Variants in CHSY3 observed in about 807,000 individuals in gnomAD.
CHSY3 encodes chondroitin sulfate synthase 3, also known as N-acetylgalactosaminyl-proteoglycan 3-beta-glucuronosyltransferase 3.
In CHSY3, 35 loss-of-function variants were observed where a neutral mutation model predicts 67.2. That is an observed-to-expected ratio of 0.52 (90% CI 0.40 to 0.69). The LOEUF (loss-of-function observed/expected upper bound fraction) is 0.69. Among genes scored for constraint, CHSY3 ranks in the 30% least tolerant of loss-of-function variants. CHSY3 has a pLI of 0.00. For missense variants in CHSY3, 1,069 were observed against 1,138.5 expected (o/e 0.94, Z 0.88); for synonymous variants, 474 against 434.7 (o/e 1.09, Z -1.12).
At chr5:130,009,677 T>C (rs73243506) in intron 2 of CHSY3, among the ~76,000 whole-genome samples, 2,702 of 152,164 alleles carry the variant, frequency 0.018, 70 homozygotes, top group African/African-American at 0.061. Flanking sequence ...GAACACCCCA[T>C]TTAAAAGGCA....
intron 2 of CHSY3, among the ~76,000 whole-genome samples, chr5:129,972,402 G>A (rs1358601225): frequency 6.6e-6 from 1 of 152,002 alleles, no homozygotes; most frequent in Non-Finnish European, 1.5e-5. Flanking sequence ...AGTTATGCAA[G>A]CCCAGTTTAG....
intron 2 of CHSY3, among the ~76,000 whole-genome samples, chr5:129,965,034 A>G (rs1762431968): frequency 6.6e-6 from 1 of 151,918 alleles, no homozygotes; most frequent in Admixed American, 6.6e-5. Flanking sequence ...TAATTGAAAA[A>G]CATTTTCAAG....
intron 2 of CHSY3, among the ~76,000 whole-genome samples, chr5:129,937,197 A>T (rs1353905846): frequency 6.6e-6 from 1 of 152,230 alleles, no homozygotes; most frequent in Non-Finnish European, 1.5e-5. Flanking sequence ...TGTGGGCTGT[A>T]CAGGCTTCTG....
At chr5:130,094,367 A>G (rs1766979369) in intron 2 of CHSY3, among the ~76,000 whole-genome samples, 1 of 152,240 alleles carries the variant, frequency 6.6e-6, no homozygotes, top group African/African-American at 2.4e-5. Flanking sequence ...GTATTATAAA[A>G]CAAATGGCAG....
chr5:130,077,497 G>T (rs1010688040), intron 2 of CHSY3, among the ~76,000 whole-genome samples: 1 of 152,084 alleles, frequency 6.6e-6, no homozygotes, highest in African/African-American at 2.4e-5. Context: ...TTATGGAGAC[G>T]TTGGACCGCT....
At chr5:130,107,057 T>C (rs1767432384) in intron 2 of CHSY3, among the ~76,000 whole-genome samples, 2 of 151,390 alleles carry the variant, frequency 1.3e-5, no homozygotes, top group African/African-American at 4.8e-5. Flanking sequence ...TTGAGAATCT[T>C]AGTTTGTTTA....
At chr5:129,917,927 C>T (rs747586398) in intron 2 of CHSY3, among the ~76,000 whole-genome samples, 1 of 152,324 alleles carries the variant, frequency 6.6e-6, no homozygotes, top group East Asian at 1.9e-4. Context: ...GTTTCGACCA[C>T]TGTGTAAATT....
At chr5:129,955,432 G>A (rs551364980) in intron 2 of CHSY3, among the ~76,000 whole-genome samples, 20 of 150,942 alleles carry the variant, frequency 1.3e-4, no homozygotes, top group Admixed American at 1.1e-3. Context: ...ATTTTTTCCC[G>A]TCTCCTTTCC....
At chr5:129,977,507 T>G (rs958481173) in intron 2 of CHSY3, among the ~76,000 whole-genome samples, 11 of 152,254 alleles carry the variant, frequency 7.2e-5, no homozygotes, top group Non-Finnish European at 4.4e-5. Context: ...TCACCCAAAG[T>G]TAGCTTATCT....
chr5:129,943,854 AT>A, intron 2 of CHSY3, among the ~76,000 whole-genome samples: 1 of 152,360 alleles, frequency 6.6e-6, no homozygotes, highest in Admixed American at 6.5e-5. Flanking sequence ...AAATATTGCC[AT>A]AAAATTTGAA....
chr5:130,082,849 T>TATATATATGTGTGTATATAC (rs1156877052), intron 2 of CHSY3, among the ~76,000 whole-genome samples: 9 of 151,706 alleles, frequency 5.9e-5, no homozygotes, highest in Non-Finnish European at 1.3e-4. Flanking sequence ...GTTGGAGCAC[T>TATATATATGTGTGTATATAC]ATATATATGT....
intron 2 of CHSY3, among the ~76,000 whole-genome samples, chr5:129,919,264 C>T (rs1197409843): frequency 1.3e-5 from 2 of 151,690 alleles, no homozygotes; most frequent in African/African-American, 4.8e-5. Context: ...AGAGAAGAAC[C>T]CAAAGACAGT....
intron 2 of CHSY3, among the ~76,000 whole-genome samples, chr5:130,020,001 A>G (rs1313647448): frequency 6.6e-6 from 1 of 152,194 alleles, no homozygotes; most frequent in Non-Finnish European, 1.5e-5. Context: ...ACTGAGGAAT[A>G]TTAGAACATC....
At chr5:130,156,026 G>A (rs1769367231) in intron 2 of CHSY3, among the ~76,000 whole-genome samples, 1 of 152,222 alleles carries the variant, frequency 6.6e-6, no homozygotes. Flanking sequence ...GGTATGAGGA[G>A]TGCAGTTATA....
At chr5:130,016,610 A>G (rs1266448188) in intron 2 of CHSY3, among the ~76,000 whole-genome samples, 2 of 152,128 alleles carry the variant, frequency 1.3e-5, no homozygotes, top group Non-Finnish European at 2.9e-5. Flanking sequence ...GGGTTTCCCC[A>G]TGTTGGCCAG....
chr5:130,070,799 C>T (rs1026044865), intron 2 of CHSY3, among the ~76,000 whole-genome samples: 2 of 152,024 alleles, frequency 1.3e-5, no homozygotes, highest in South Asian at 4.1e-4. Context: ...AATGTTAAAG[C>T]TGTTTTCAGC....
Position 130,184,914 on chromosome 5 carries a change from C to T in CHSY3, c.1772C>T (p.Thr591Ile). 3 of 1,543,186 alleles carry T rather than the reference C, an allele frequency of 1.9e-6. No individual in the cohort carries two copies. Among genetic ancestry groups the T allele is most frequent in the Non-Finnish European group, 2.7e-6 (3 of 1,115,514 alleles). ...NSLVESINSE[T>I]QSFSFISNSL... ...CTTGTGGAGAGTATTAACAGTGAAA[C>T]TCAGTCATTCTCCTTTATATCTAAT... Residue 591 changes from threonine to isoleucine, a missense_variant, in exon 3 of 3, where the codon ACT becomes ATT. By Grantham distance (89) the Thr-to-Ile change is moderately conservative. This residue lies in a region of CHSY3 where 401 missense variants were observed against 395.2 expected (regional missense o/e 1.01). Coordinates refer to ENST00000305031, the MANE Select transcript of CHSY3 (RefSeq NM_175856.5).
Position 129,905,378 on chromosome 5 carries a change from C to A in CHSY3, c.549C>A (p.Tyr183Ter). ...LYVGVMTAQK[Y>*]LGSRALAAQR... The stretch of plus-strand genomic sequence containing the variant: ...TGGGGGTGATGACCGCGCAGAAGTA[C>A]CTGGGCAGCCGCGCGCTGGCCGCGC... Residue 183 changes from tyrosine to a stop codon, truncating the protein, a stop_gained, in exon 1 of 3, where the codon TAC (tyrosine) becomes TAA (stop). Coordinates refer to ENST00000305031, the MANE Select transcript of CHSY3 (RefSeq NM_175856.5). LOFTEE classifies it high-confidence loss of function. 1 of 1,594,782 alleles carries A rather than the reference C, an allele frequency of 6.3e-7. No homozygotes were observed.
chr5:130,020,422 A>AAAATATAT (rs1764335450), intron 2 of CHSY3, among the ~76,000 whole-genome samples: 2 of 33,356 alleles, frequency 6.0e-5, no homozygotes, highest in Non-Finnish European at 1.2e-4. Flanking sequence ...TTCATCTCAA[A>AAAATATAT]ATATATATAT....
Sources: gnomAD v4.1 joint callset for allele counts (sites outside exome capture counted in the v4.1 genomes callset) on GRCh38, gnomAD v4.1.1 for gene constraint, gnomAD v4.1.1 regional missense constraint, MANE v1.5 for transcripts, NCBI Gene and HGNC (gene_info 2026-07-23, HGNC 2026-07-21) for gene names.